CSMD3: variants seen among roughly 807,000 people sequenced by gnomAD.
CSMD3 encodes the protein CUB and sushi domain-containing protein 3.
In CSMD3, 177 loss-of-function variants were observed where a neutral mutation model predicts 435.2. That is an observed-to-expected ratio of 0.41 (90% CI 0.36 to 0.46). The LOEUF (loss-of-function observed/expected upper bound fraction) is 0.46, where lower values mean the gene tolerates loss of function less well. Ranked by LOEUF, CSMD3 falls within the 20% of genes least tolerant of loss-of-function variation. The probability of loss-of-function intolerance (pLI) is 0.34; values close to 1 mark genes in which losing one functional copy is unlikely to be tolerated. For missense variants in CSMD3, 4,265 were observed against 4,504.6 expected, an observed-to-expected ratio of 0.95 and a Z score of 1.52; for synonymous variants, 1,656 against 1,520.5, an observed-to-expected ratio of 1.09 and a Z score of -2.07.
intron 5 of CSMD3, among the ~76,000 whole-genome samples, chr8:113,072,797 T>G (rs897568835): frequency 6.8e-6 from 1 of 146,262 alleles, no homozygotes; most frequent in South Asian, 2.2e-4. Context: ...CAAAGGCTTT[T>G]CAGTAAATCA....
intron 40 of CSMD3, among the ~76,000 whole-genome samples, chr8:112,346,922 G>A (rs184212197): frequency 2.0e-5 from 3 of 151,846 alleles, no homozygotes; most frequent in South Asian, 2.1e-4. Flanking sequence ...CTCGTGATCC[G>A]CCCGCCCAGG....
chr8:112,290,780 A>G (rs575488683), intron 56 of CSMD3, among the ~76,000 whole-genome samples: 1 of 152,154 alleles, frequency 6.6e-6, no homozygotes, highest in African/African-American at 2.4e-5. Flanking sequence ...TTCCCTGTCA[A>G]GTCCAAGACT....
At chr8:112,497,390 T>C (rs944233794) in intron 30 of CSMD3, among the ~76,000 whole-genome samples, 1 of 151,856 alleles carries the variant, frequency 6.6e-6, no homozygotes, top group Non-Finnish European at 1.5e-5. Flanking sequence ...AAATAAATGA[T>C]AAATGCTTGA....
At chr8:112,355,037 G>T (rs1044303169) in intron 38 of CSMD3, among the ~76,000 whole-genome samples, 2 of 152,154 alleles carry the variant, frequency 1.3e-5, no homozygotes, top group African/African-American at 4.8e-5. Flanking sequence ...AGAGAACTAA[G>T]AAATAAATCC....
rs146799528 is a variant in CSMD3 at position 113,206,560 on chromosome 8, C to A, written c.515-32644G>T. Among the ~76,000 whole-genome samples the A allele has an allele frequency of 3.4e-4, 52 of 152,020 alleles. 2 individuals carry two copies. The East Asian group carries it at 9.7e-3, about 28-fold the overall frequency. ...TTTTTTCTGTATATTCTTCTCTATT[C>A]TCCAGTACCCCGAAACCCCTCAATC... On this transcript the variant is annotated intron_variant, in intron 3 of 70. Transcript: ENST00000297405.
chr8:112,667,410 T>A (rs187017270), intron 16 of CSMD3, among the ~76,000 whole-genome samples: 182 of 152,344 alleles, frequency 1.2e-3, no homozygotes, highest in Admixed American at 3.4e-3. Context: ...CTCACTCTTA[T>A]TTCTCTAGCT....
At chr8:112,649,510 G>A (rs1325887152) in intron 19 of CSMD3, among the ~76,000 whole-genome samples, 1 of 152,162 alleles carries the variant, frequency 6.6e-6, no homozygotes, top group Non-Finnish European at 1.5e-5. Flanking sequence ...ATAATATATG[G>A]ATTTACATTG....
chr8:112,332,288 G>T (rs1824142687), intron 45 of CSMD3, among the ~76,000 whole-genome samples: 1 of 146,548 alleles, frequency 6.8e-6, no homozygotes, highest in South Asian at 2.1e-4. Flanking sequence ...ATCACCATGA[G>T]TTCAAATTAT....
At chr8:112,665,645 G>T (rs1397713126) in intron 17 of CSMD3, among the ~76,000 whole-genome samples, 1 of 152,094 alleles carries the variant, frequency 6.6e-6, no homozygotes, top group African/African-American at 2.4e-5. Flanking sequence ...TGATATAACT[G>T]AGAGATTATA....
At position 112,770,153 on chromosome 8, in the gene CSMD3, C is replaced by T. The variant is rs1160711934; in HGVS notation, c.1972+30009G>A. ...AAAATTAAAAAAAGCTCATACAACT[C>T]GTTGGCTCCATCAAGTAAACTGTTG... On this transcript the variant is annotated intron_variant, in intron 13 of 70. Coordinates refer to ENST00000297405, the MANE Select transcript of CSMD3 (RefSeq NM_198123.2). 1.1e-4 allele frequency among the ~76,000 whole-genome samples: 17 copies of T among 152,068 alleles called. 2 individuals are homozygous for T. The South Asian group carries it at 1.9e-3, about 17-fold the overall frequency.
intron 13 of CSMD3, among the ~76,000 whole-genome samples, chr8:112,751,605 T>C (rs1448150003): frequency 6.6e-6 from 1 of 151,228 alleles, no homozygotes; most frequent in Non-Finnish European, 1.5e-5. Flanking sequence ...ATCACTATAC[T>C]TTTTTCAAAA....
chr8:112,645,053 T>C (rs989590882), intron 20 of CSMD3, 56 bp downstream of exon 20: 3 of 899,240 alleles, frequency 3.3e-6, no homozygotes, highest in Non-Finnish European at 5.7e-6. Context: ...GAAATAAGAA[T>C]AGACTCAATG....
chr8:113,414,785 ACT>A (rs1442455741), intron 1 of CSMD3, among the ~76,000 whole-genome samples: 1 of 151,918 alleles, frequency 6.6e-6, no homozygotes, highest in East Asian at 1.9e-4. Flanking sequence ...ACATGGTGAA[ACT>A]CTTTCTCTAC....
At chr8:113,113,778 G>A (rs189112627) in intron 4 of CSMD3, among the ~76,000 whole-genome samples, 6 of 152,196 alleles carry the variant, frequency 3.9e-5, no homozygotes, top group Admixed American at 6.5e-5. Context: ...CTACAAATGC[G>A]AATCAATAAC....
At chr8:113,106,149 C>T (rs750516910) in intron 4 of CSMD3, among the ~76,000 whole-genome samples, 2 of 151,364 alleles carry the variant, frequency 1.3e-5, no homozygotes, top group Non-Finnish European at 2.9e-5. Context: ...ACAAACGAAC[C>T]AAAATCAAAG....
At chr8:112,429,698 G>A (rs1158031932) in intron 32 of CSMD3, among the ~76,000 whole-genome samples, 2 of 151,906 alleles carry the variant, frequency 1.3e-5, no homozygotes, top group Non-Finnish European at 2.9e-5. Context: ...GTGACACATA[G>A]CCTAAAGTCA....
At chr8:112,901,910 C>A (rs934417648) in intron 10 of CSMD3, among the ~76,000 whole-genome samples, 1 of 151,248 alleles carries the variant, frequency 6.6e-6, no homozygotes. Flanking sequence ...TTAATGAGGC[C>A]TTGTAGGAAG....
chr8:112,659,974 A>G (rs541888373), intron 17 of CSMD3, among the ~76,000 whole-genome samples: 2 of 152,274 alleles, frequency 1.3e-5, no homozygotes, highest in East Asian at 1.9e-4. Flanking sequence ...CTATGCCACC[A>G]TGTTAAATAT....
intron 32 of CSMD3, among the ~76,000 whole-genome samples, chr8:112,411,886 G>A (rs1384485148): frequency 6.6e-6 from 1 of 152,100 alleles, no homozygotes; most frequent in Non-Finnish European, 1.5e-5. Context: ...TGGCTCAAAA[G>A]ATTACTGGTT....
Sources: gnomAD v4.1 joint callset for allele counts (sites outside exome capture counted in the v4.1 genomes callset) on GRCh38, gnomAD v4.1.1 for gene constraint, MANE v1.5 for transcripts, NCBI Gene and HGNC (gene_info 2026-07-23, HGNC 2026-07-21) for gene names.